ELMOD1: variants seen among roughly 807,000 people sequenced by gnomAD.
ELMOD1 encodes ELMO domain-containing protein 1.
In ELMOD1, 21 loss-of-function variants were observed where a neutral mutation model predicts 46.7. The ratio of observed to expected loss-of-function variants is 0.45; its 90% CI spans 0.32 to 0.65. The LOEUF (loss-of-function observed/expected upper bound fraction) is 0.65. ELMOD1 is among the 30% of genes least tolerant of loss of function. The probability of loss-of-function intolerance (pLI) is 0.04; values close to 1 mark genes in which losing one functional copy is unlikely to be tolerated. For synonymous variants in ELMOD1, 122 were observed against 138.2 expected (o/e 0.88, Z 0.82); for missense variants, 348 against 407.8 (o/e 0.85, Z 1.26).
chr11:107,621,100 G>T (rs999984018), intron 2 of ELMOD1, among the ~76,000 whole-genome samples: 2 of 152,144 alleles, frequency 1.3e-5, no homozygotes, highest in African/African-American at 4.8e-5. Flanking sequence ...AGTTATTGAG[G>T]TTATATTTTT....
At chr11:107,628,324 G>A (rs567475685) in intron 2 of ELMOD1, among the ~76,000 whole-genome samples, 1 of 151,886 alleles carries the variant, frequency 6.6e-6, no homozygotes, top group Admixed American at 6.6e-5. Flanking sequence ...GTGCCACCAC[G>A]CCCAGCTAAT....
intron 2 of ELMOD1, among the ~76,000 whole-genome samples, chr11:107,623,028 G>A (rs1316914283): frequency 1.1e-4 from 16 of 152,050 alleles, no homozygotes; most frequent in Non-Finnish European, 1.9e-4. Flanking sequence ...ACAACGTGCA[G>A]GTTTGTTACA....
At chr11:107,610,998 CAAAA>C (rs58417281) in intron 1 of ELMOD1, among the ~76,000 whole-genome samples, 3 of 95,798 alleles carry the variant, frequency 3.1e-5, no homozygotes, top group Non-Finnish European at 6.4e-5. Flanking sequence ...TGTAAGAATC[CAAAA>C]AAAAAAAAAA....
chr11:107,606,637 C>T (rs1865689367), intron 1 of ELMOD1, among the ~76,000 whole-genome samples: 1 of 152,168 alleles, frequency 6.6e-6, no homozygotes, highest in South Asian at 2.1e-4. Flanking sequence ...GAGTTCAAGA[C>T]CAGCCTGGCC....
intron 1 of ELMOD1, among the ~76,000 whole-genome samples, chr11:107,594,240 A>G (rs992040819): frequency 6.6e-6 from 1 of 151,972 alleles, no homozygotes; most frequent in African/African-American, 2.4e-5. Flanking sequence ...CTGGCCTTGA[A>G]TAAGAGAGCG....
intron 6 of ELMOD1, 79 bp from the exon 7 acceptor site, chr11:107,647,389 C>T (rs1038760464): frequency 7.2e-7 from 1 of 1,382,126 alleles, no homozygotes; most frequent in African/African-American, 1.5e-5. Flanking sequence ...CAAAGCTCCT[C>T]CTAATAATGT....
chr11:107,634,392 G>A (rs1866192244), intron 5 of ELMOD1, among the ~76,000 whole-genome samples: 2 of 152,090 alleles, frequency 1.3e-5, no homozygotes, highest in African/African-American at 4.8e-5. Flanking sequence ...TGCTTTTAGG[G>A]TACTGTTATT....
chr11:107,659,758 T>C (rs1866700849), intron 11 of ELMOD1, among the ~76,000 whole-genome samples: 1 of 151,746 alleles, frequency 6.6e-6, no homozygotes, highest in African/African-American at 2.4e-5. Flanking sequence ...GAGTCTAGTT[T>C]CTGTGGGAAA....
chr11:107,591,996 G>T (rs746790279), intron 1 of ELMOD1: 14 of 514,998 alleles, frequency 2.7e-5, no homozygotes, highest in Admixed American at 1.8e-4. Context: ...TCTCTTTCCC[G>T]GGCAGGTAGA....
rs192565997 is a variant in ELMOD1 at position 107,649,756 on chromosome 11, A to G, written c.555-579A>G. Among the ~76,000 whole-genome samples the G allele has an allele frequency of 1.2e-3, 183 of 152,326 alleles. 1 individual carries two copies. The highest frequency in any genetic ancestry group is 1.2e-3 in the Non-Finnish European group (82 of 68,030). On this transcript the variant is annotated intron_variant, in intron 7 of 11. Transcript: ENST00000265840. ...TATTGTTTTATCATTGTCTCTATGAAGTACTTTTTAATGAATCATGTTTGA... is the reference window on the plus strand; with the variant it reads ...TATTGTTTTATCATTGTCTCTATGAGGTACTTTTTAATGAATCATGTTTGA...
intron 11 of ELMOD1, among the ~76,000 whole-genome samples, chr11:107,664,202 A>T (rs1008924978): frequency 3.3e-5 from 5 of 151,660 alleles, no homozygotes; most frequent in Non-Finnish European, 7.4e-5. Context: ...TTTCTAACAC[A>T]TAGAGACACC....
In ELMOD1 at chr11:107,665,052, T is replaced by C; in HGVS notation, c.860T>C (p.Phe287Ser). 1.2e-6 allele frequency: 2 copies of C among 1,613,688 alleles called. No homozygotes were observed. The highest frequency in any genetic ancestry group is 1.7e-6 in the Non-Finnish European group (2 of 1,179,796). The change falls in exon 12 of 12, where the codon TTT becomes TCT. Residue 287 changes from phenylalanine to serine, a missense_variant. Phe to Ser is a radical substitution (Grantham distance 155). Transcript: ENST00000265840. ...TATTTGATGCATGAATTTCATAAGTTTTGGATCGAAGAGGACCCCATGGAC... is the reference window on the plus strand; with the variant it reads ...TATTTGATGCATGAATTTCATAAGTCTTGGATCGAAGAGGACCCCATGGAC... ...FCYLMHEFHKFWIEEDPMDIM... is the reference protein window; with the variant it reads ...FCYLMHEFHKSWIEEDPMDIM...
At chr11:107,609,843 A>G (rs1321203739) in intron 1 of ELMOD1, among the ~76,000 whole-genome samples, 1 of 152,218 alleles carries the variant, frequency 6.6e-6, no homozygotes, top group African/African-American at 2.4e-5. Context: ...CCCTGTATAC[A>G]TTGAGAAAAA....
chr11:107,625,546 C>T, intron 2 of ELMOD1: 1 of 985,408 alleles, frequency 1.0e-6, no homozygotes, highest in Non-Finnish European at 1.2e-6. Flanking sequence ...CCCACACCCC[C>T]TCACCCCACA....
At chr11:107,625,609 C>A in intron 2 of ELMOD1, 1 of 967,508 alleles carries the variant, frequency 1.0e-6, no homozygotes, top group Non-Finnish European at 1.2e-6. Flanking sequence ...AGCCCCATCC[C>A]TCCTGAATGG....
At chr11:107,642,348 T>A (rs1866339701) in intron 6 of ELMOD1, among the ~76,000 whole-genome samples, 2 of 151,888 alleles carry the variant, frequency 1.3e-5, no homozygotes, top group South Asian at 4.2e-4. Context: ...ACAGACATTA[T>A]AAACAGATAA....
intron 1 of ELMOD1, among the ~76,000 whole-genome samples, chr11:107,598,773 G>A (rs1865537601): frequency 6.6e-6 from 1 of 152,198 alleles, no homozygotes; most frequent in East Asian, 1.9e-4. Context: ...TCTTTACTGG[G>A]CCAGTTCTGT....
chr11:107,601,259 C>T (rs946969713), intron 1 of ELMOD1, among the ~76,000 whole-genome samples: 4 of 151,884 alleles, frequency 2.6e-5, no homozygotes, highest in Non-Finnish European at 5.9e-5. Context: ...TCTCCTTTCT[C>T]AATTCTCCCA....
intron 1 of ELMOD1, chr11:107,592,602 C>T: frequency 7.3e-6 from 2 of 274,758 alleles, no homozygotes; most frequent in Admixed American, 4.2e-5. Flanking sequence ...GAAGTTTTCT[C>T]GGGGGTCAGT....
Sources: gnomAD v4.1 joint callset for allele counts (sites outside exome capture counted in the v4.1 genomes callset) on GRCh38, gnomAD v4.1.1 for gene constraint, MANE v1.5 for transcripts, NCBI Gene and HGNC (gene_info 2026-07-23, HGNC 2026-07-21) for gene names.